NFIB: variants seen among roughly 807,000 people sequenced by gnomAD.
The protein encoded by NFIB is nuclear factor 1 B-type.
A neutral mutation model predicts 61.5 loss-of-function variants in NFIB; 11 were observed. The ratio of observed to expected loss-of-function variants is 0.18; its 90% CI spans 0.11 to 0.30. NFIB has a LOEUF of 0.30. NFIB is among the 10% of genes least tolerant of loss of function. NFIB has a pLI of 1.00. For missense variants in NFIB, 471 were observed against 608.9 expected (o/e 0.77, Z 2.38); for synonymous variants, 260 against 216.5 (o/e 1.20, Z -1.76).
chr9:14,428,808 C>A, the NFIB span, among the ~76,000 whole-genome samples: 1 of 152,130 alleles, frequency 6.6e-6, no homozygotes, highest in East Asian at 1.9e-4. Flanking sequence ...TGATAATACA[C>A]TGAAAATAGG....
chr9:14,425,539 T>A, the NFIB span, among the ~76,000 whole-genome samples: 3 of 151,744 alleles, frequency 2.0e-5, no homozygotes, highest in Admixed American at 2.0e-4. Context: ...AGGAAACATA[T>A]ATAAGAAACT....
At chr9:14,221,794 G>A (rs1376673516) in intron 2 of NFIB, among the ~76,000 whole-genome samples, 12 of 152,196 alleles carry the variant, frequency 7.9e-5, no homozygotes, top group Admixed American at 7.9e-4. Flanking sequence ...CTGTATGCCA[G>A]CTAATCATTC....
At chr9:14,142,539 ACCTCTTATTTTT>A (rs1366749556) in intron 6 of NFIB, among the ~76,000 whole-genome samples, 1 of 152,108 alleles carries the variant, frequency 6.6e-6, no homozygotes, top group Non-Finnish European at 1.5e-5. Flanking sequence ...AAAAACTATG[ACCTCTTATTTTT>A]CCTCTTATAT....
the NFIB span, among the ~76,000 whole-genome samples, chr9:14,407,923 G>A: frequency 1.3e-5 from 2 of 152,164 alleles, no homozygotes; most frequent in African/African-American, 4.8e-5. Flanking sequence ...TTGGCCTCAA[G>A]TAATCCTCCC....
At chr9:14,140,156 G>A (rs541884301) in intron 6 of NFIB, among the ~76,000 whole-genome samples, 42 of 152,152 alleles carry the variant, frequency 2.8e-4, no homozygotes, top group African/African-American at 9.9e-4. Context: ...AGGAATTGTT[G>A]GTGTTCTATT....
intron 9 of NFIB, among the ~76,000 whole-genome samples, chr9:14,114,883 T>C (rs2119064218): frequency 6.6e-6 from 1 of 152,362 alleles, no homozygotes; most frequent in Admixed American, 6.5e-5. Flanking sequence ...CATTGTTTGC[T>C]CAAAGATGTG....
chr9:14,246,824 G>T (rs370926924), intron 2 of NFIB, among the ~76,000 whole-genome samples: 1 of 152,188 alleles, frequency 6.6e-6, no homozygotes, highest in East Asian at 1.9e-4. Context: ...AAATGCATAT[G>T]CTGAAGACCC....
chr9:14,386,455 C>T (rs1640423992), intron 1 of NFIB, among the ~76,000 whole-genome samples: 1 of 152,202 alleles, frequency 6.6e-6, no homozygotes, highest in South Asian at 2.1e-4. Flanking sequence ...GTGACACACC[C>T]TTCTGAAGAG....
intron 10 of NFIB, chr9:14,093,581 C>A (rs1249836493): frequency 6.6e-6 from 1 of 152,022 alleles, no homozygotes; most frequent in Non-Finnish European, 1.5e-5. Context: ...CCTTTAGTTC[C>A]TTTGCAACAT....
At chr9:14,295,633 A>AAAACAAACAAAC (rs35605571) in intron 2 of NFIB, among the ~76,000 whole-genome samples, 31 of 149,732 alleles carry the variant, frequency 2.1e-4, no homozygotes, top group African/African-American at 5.4e-4. Flanking sequence ...TCCTTCTCAA[A>AAAACAAACAAAC]AAACAAACAA....
intron 1 of NFIB, among the ~76,000 whole-genome samples, chr9:14,328,792 TAA>T (rs1194346477): frequency 6.6e-6 from 1 of 152,176 alleles, no homozygotes; most frequent in Non-Finnish European, 1.5e-5. Context: ...TTGTTAAAAT[TAA>T]AAGAGACTTT....
At chr9:14,353,891 C>T (rs1453073987) in intron 1 of NFIB, among the ~76,000 whole-genome samples, 1 of 140,786 alleles carries the variant, frequency 7.1e-6, no homozygotes, top group Non-Finnish European at 1.5e-5. Context: ...TTGAGGCTGA[C>T]AGGACAATGC....
the NFIB span, among the ~76,000 whole-genome samples, chr9:14,506,499 G>A: frequency 6.6e-6 from 1 of 152,116 alleles, no homozygotes; most frequent in African/African-American, 2.4e-5. Context: ...GAATTCCAGA[G>A]ATGGTAAAAT....
intron 3 of NFIB, among the ~76,000 whole-genome samples, chr9:14,161,695 C>A (rs767948624): frequency 6.6e-6 from 1 of 151,960 alleles, no homozygotes; most frequent in South Asian, 2.1e-4. Context: ...AGGTTATTTC[C>A]CAATTTTTAA....
rs1358496809 is a variant in NFIB at position 14,314,120 on chromosome 9, G to A, written c.-609C>T. On this transcript the variant is annotated 5_prime_UTR_variant, in exon 1 of 11. Transcript: ENST00000380953. The stretch of plus-strand genomic sequence containing the variant: ...CCGCGAGCCGACCATGTGTGTGCGC[G>A]AGGGGCAGCGTGAGCGAGTGCGCGC... 3 of 1,034,630 alleles carry A rather than the reference G, an allele frequency of 2.9e-6. No individual in the cohort carries two copies. Among genetic ancestry groups the A allele is most frequent in the Non-Finnish European group, 3.5e-6 (3 of 861,030 alleles). The allele number at this position is 1,034,630 out of a possible 1,614,324, so 64.1% of individuals were successfully genotyped here. A position where few individuals can be genotyped will look rare whatever the true frequency, so the allele number is the denominator to read the frequency against.
chr9:14,139,163 C>T (rs1047980639), intron 6 of NFIB, among the ~76,000 whole-genome samples: 1 of 152,076 alleles, frequency 6.6e-6, no homozygotes, highest in African/African-American at 2.4e-5. Context: ...GAAAAAAATC[C>T]CTTGAACAAA....
chr9:14,102,986 T>C (rs1184462679), intron 10 of NFIB, among the ~76,000 whole-genome samples: 2 of 152,196 alleles, frequency 1.3e-5, no homozygotes, highest in Non-Finnish European at 2.9e-5. Context: ...TTACAAACAT[T>C]CGCCCTAACT....
chr9:14,496,209 G>T, the NFIB span, among the ~76,000 whole-genome samples: 2 of 152,164 alleles, frequency 1.3e-5, no homozygotes, highest in South Asian at 2.1e-4. Flanking sequence ...TGGAATATTT[G>T]CATGTCTATA....
chr9:14,491,562 G>T, the NFIB span, among the ~76,000 whole-genome samples: 1 of 152,196 alleles, frequency 6.6e-6, no homozygotes, highest in Admixed American at 6.5e-5. Flanking sequence ...ATAGGTGGGA[G>T]TCCTCTCAAA....
Sources: gnomAD v4.1 joint callset for allele counts (sites outside exome capture counted in the v4.1 genomes callset) on GRCh38, gnomAD v4.1.1 for gene constraint, MANE v1.5 for transcripts, NCBI Gene and HGNC (gene_info 2026-07-23, HGNC 2026-07-21) for gene names.